Variants in SLC4A10 observed in about 807,000 individuals in gnomAD.
The protein encoded by SLC4A10 is solute carrier family 4 member 10.
A neutral mutation model predicts 137.7 loss-of-function variants in SLC4A10; 42 were observed. The ratio of observed to expected loss-of-function variants is 0.30; its 90% CI spans 0.24 to 0.39. SLC4A10 has a LOEUF of 0.39. Among genes scored for constraint, SLC4A10 ranks in the 10% least tolerant of loss-of-function variants. The probability of loss-of-function intolerance (pLI) is 1.00; values close to 1 mark genes in which losing one functional copy is unlikely to be tolerated. For synonymous variants in SLC4A10, 474 were observed against 464.1 expected, an observed-to-expected ratio of 1.02 and a Z score of -0.27; for missense variants, 925 against 1,355.0, an observed-to-expected ratio of 0.68 and a Z score of 4.98.
intron 20 of SLC4A10, 115 bp downstream of exon 20, chr2:161,957,355 T>G (rs1056889298): frequency 5.8e-6 from 7 of 1,201,806 alleles, no homozygotes; most frequent in Admixed American, 5.5e-5. Flanking sequence ...GTGATGAAAG[T>G]GATGAATTTC....
Position 161,879,672 on chromosome 2 carries a change from C to G in SLC4A10, c.1106+384C>G, listed in dbSNP as rs552166841. ...TCCTGTGCATGAGTGCGGTCAAACTCAAAAACAGCAAAGTTACTAAGGTTT... is the reference window on the plus strand; with the variant it reads ...TCCTGTGCATGAGTGCGGTCAAACTGAAAAACAGCAAAGTTACTAAGGTTT... On this transcript the variant is annotated intron_variant, in intron 9 of 26. Coordinates refer to ENST00000446997, the MANE Select transcript of SLC4A10 (RefSeq NM_001178015.2). Among the ~76,000 whole-genome samples the G allele has an allele frequency of 9.9e-5, 15 of 151,030 alleles. No individual in the cohort carries two copies. In the East Asian group the frequency reaches 2.1e-3, roughly 22 times the overall value.
chr2:161,804,695 T>C (rs2055735135), intron 3 of SLC4A10, 100 bp downstream of exon 3: 23 of 1,116,884 alleles, frequency 2.1e-5, no homozygotes, highest in Non-Finnish European at 2.7e-5. Context: ...TAAAATTGTT[T>C]ATACTTTTAT....
chr2:161,676,618 T>A (rs1288479869), intron 1 of SLC4A10, among the ~76,000 whole-genome samples: 1 of 152,202 alleles, frequency 6.6e-6, no homozygotes, highest in African/African-American at 2.4e-5. Context: ...TCCATTGACA[T>A]AAACTGGGTG....
At chr2:161,712,949 C>T (rs1406810638) in intron 1 of SLC4A10, among the ~76,000 whole-genome samples, 3 of 151,882 alleles carry the variant, frequency 2.0e-5, no homozygotes, top group African/African-American at 7.2e-5. Flanking sequence ...CTGTAGGTCT[C>T]TGCCTTCAGG....
At chr2:161,774,990 A>T (rs774212425) in intron 2 of SLC4A10, among the ~76,000 whole-genome samples, 9 of 152,008 alleles carry the variant, frequency 5.9e-5, no homozygotes, top group South Asian at 2.1e-4. Flanking sequence ...GGAGTTAAGA[A>T]CTATTGTAGT....
intron 19 of SLC4A10, among the ~76,000 whole-genome samples, chr2:161,954,745 AT>A (rs1695360119): frequency 6.6e-6 from 1 of 152,162 alleles, no homozygotes; most frequent in East Asian, 1.9e-4. Flanking sequence ...TTTGTTATAT[AT>A]TTATATATTA....
intron 1 of SLC4A10, among the ~76,000 whole-genome samples, chr2:161,756,853 A>G (rs548740926): frequency 6.6e-6 from 1 of 152,314 alleles, no homozygotes; most frequent in African/African-American, 2.4e-5. Context: ...ATTCTTATAG[A>G]CATCAATTAG....
intron 13 of SLC4A10, 138 bp downstream of exon 13, chr2:161,904,316 A>G (rs1683821807): frequency 2.3e-6 from 2 of 881,074 alleles, no homozygotes; most frequent in Admixed American, 3.0e-5. Context: ...CCTTATATGA[A>G]TTTCCTGGAT....
intron 1 of SLC4A10, among the ~76,000 whole-genome samples, chr2:161,674,327 T>C (rs886742846): frequency 6.6e-6 from 1 of 152,230 alleles, no homozygotes; most frequent in African/African-American, 2.4e-5. Context: ...GTAGCATTGG[T>C]ATTGCATTTA....
At chr2:161,888,808 C>A (rs2062601610) in intron 10 of SLC4A10, among the ~76,000 whole-genome samples, 1 of 152,178 alleles carries the variant, frequency 6.6e-6, no homozygotes, top group South Asian at 2.1e-4. Flanking sequence ...CTGGCCAGAA[C>A]TTCCAATACT....
chr2:161,744,190 C>T (rs1383399941), intron 1 of SLC4A10, among the ~76,000 whole-genome samples: 1 of 152,072 alleles, frequency 6.6e-6, no homozygotes, highest in East Asian at 1.9e-4. Flanking sequence ...TCAAAGTGGG[C>T]ATCCTTGTCA....
chr2:161,809,154 A>C (rs1458207789), intron 3 of SLC4A10, among the ~76,000 whole-genome samples: 1 of 150,274 alleles, frequency 6.7e-6, no homozygotes, highest in East Asian at 1.9e-4. Context: ...CTTGCATTTC[A>C]TTTGTTGACT....
intron 1 of SLC4A10, among the ~76,000 whole-genome samples, chr2:161,702,446 T>G (rs2043225484): frequency 6.6e-6 from 1 of 151,882 alleles, no homozygotes; most frequent in Admixed American, 6.6e-5. Flanking sequence ...AGCACTGGAA[T>G]AGTGCTTGGA....
chr2:161,651,351 G>C (rs76670807), intron 1 of SLC4A10: 1,786 of 152,528 alleles, frequency 0.012, 25 homozygotes, highest in South Asian at 0.037. Context: ...CTCTCCACCT[G>C]GCTCACCCTC....
At chr2:161,820,311 A>C (rs2057504637) in intron 3 of SLC4A10, among the ~76,000 whole-genome samples, 1 of 152,220 alleles carries the variant, frequency 6.6e-6, no homozygotes, top group South Asian at 2.1e-4. Context: ...GTTTTTACAA[A>C]TGTATTTTAT....
At chr2:161,839,482 T>C (rs2059039228) in intron 3 of SLC4A10, among the ~76,000 whole-genome samples, 1 of 152,110 alleles carries the variant, frequency 6.6e-6, no homozygotes. Context: ...GAAATAGAAA[T>C]AGTCTCCATG....
chr2:161,821,344 A>G (rs2057603576), intron 3 of SLC4A10, among the ~76,000 whole-genome samples: 1 of 152,194 alleles, frequency 6.6e-6, no homozygotes, highest in Admixed American at 6.6e-5. Context: ...GTTTTAGTAT[A>G]TATAGAAGCA....
rs1685780157 is a variant in SLC4A10 at position 161,911,260 on chromosome 2, T to C, written c.1997+5373T>C. Among the ~76,000 whole-genome samples, 3 of 152,090 alleles carry C rather than the reference T, an allele frequency of 2.0e-5. No homozygotes were observed. In the South Asian group the frequency reaches 6.2e-4, roughly 31 times the overall value. ...ATTTTAGCTAGAAGTTTGGGATAAATTTGACACATTATGAAATTGTTAATA... is the reference window on the plus strand; with the variant it reads ...ATTTTAGCTAGAAGTTTGGGATAAACTTGACACATTATGAAATTGTTAATA... On this transcript the variant is annotated intron_variant, in intron 15 of 26. Transcript: ENST00000446997.
chr2:161,788,303 T>C (rs2053847108), intron 2 of SLC4A10, among the ~76,000 whole-genome samples: 1 of 152,146 alleles, frequency 6.6e-6, no homozygotes, highest in African/African-American at 2.4e-5. Flanking sequence ...CTCAGTAAAC[T>C]TATCTTGTAC....
Sources: gnomAD v4.1 joint callset for allele counts (sites outside exome capture counted in the v4.1 genomes callset) on GRCh38, gnomAD v4.1.1 for gene constraint, MANE v1.5 for transcripts, NCBI Gene and HGNC (gene_info 2026-07-23, HGNC 2026-07-21) for gene names.